The following ST3GAL5 variants were observed in gnomAD, a reference collection of about 807,000 sequenced individuals.
ST3GAL5 encodes the protein ST3 beta-galactoside alpha-2,3-sialyltransferase 5.
In ST3GAL5, 25 loss-of-function variants were observed where a neutral mutation model predicts 46.1. The ratio of observed to expected loss-of-function variants is 0.54; its 90% confidence interval spans 0.40 to 0.76. ST3GAL5 has a LOEUF of 0.76. ST3GAL5 is among the 30% of genes least tolerant of loss of function. The probability of loss-of-function intolerance (pLI) is 0.00; values close to 1 mark genes in which losing one functional copy is unlikely to be tolerated. For synonymous variants in ST3GAL5, 182 were observed against 192.7 expected (o/e 0.94, Z 0.46); for missense variants, 431 against 521.2 (o/e 0.83, Z 1.69).
At chr2:85,849,407 A>C in intron 3 of ST3GAL5, 1 of 152,306 alleles carries the variant, frequency 6.6e-6, no homozygotes, top group East Asian at 1.9e-4. Context: ...AACAAGAACA[A>C]AAACATGACC....
At chr2:85,869,862 C>G (rs535296438) in intron 1 of ST3GAL5, among the ~76,000 whole-genome samples, 1 of 152,296 alleles carries the variant, frequency 6.6e-6, no homozygotes, top group African/African-American at 2.4e-5. Flanking sequence ...CTCACCTGAT[C>G]TGTTCTGGCA....
At chr2:85,866,628 C>T (rs1290998097) in intron 1 of ST3GAL5, among the ~76,000 whole-genome samples, 1 of 152,274 alleles carries the variant, frequency 6.6e-6, no homozygotes, top group Non-Finnish European at 1.5e-5. Flanking sequence ...TGCTGAGCTA[C>T]TTTTCATCCT....
intron 5 of ST3GAL5, chr2:85,846,148 A>T (rs1682770208): frequency 2.0e-6 from 1 of 508,746 alleles, no homozygotes. Context: ...GAGAGCCAAG[A>T]CTGCACCACT....
At chr2:85,886,501 C>A (rs1443674666) in intron 1 of ST3GAL5, among the ~76,000 whole-genome samples, 1 of 151,532 alleles carries the variant, frequency 6.6e-6, no homozygotes, top group Non-Finnish European at 1.5e-5. Flanking sequence ...TTGAGCAGGA[C>A]ACTTATGGTA....
At chr2:85,870,714 T>C (rs1685828162) in intron 1 of ST3GAL5, among the ~76,000 whole-genome samples, 1 of 151,956 alleles carries the variant, frequency 6.6e-6, no homozygotes, top group Admixed American at 6.6e-5. Context: ...TTCGCTCTTG[T>C]TGCCCGGGCT....
chr2:85,869,736 A>G (rs1685703157), intron 1 of ST3GAL5, among the ~76,000 whole-genome samples: 1 of 152,218 alleles, frequency 6.6e-6, no homozygotes, highest in Admixed American at 6.5e-5. Flanking sequence ...CTCAGCGGGC[A>G]GGAACTGGGT....
intron 1 of ST3GAL5, among the ~76,000 whole-genome samples, chr2:85,865,226 A>G (rs1480291647): frequency 1.3e-5 from 2 of 152,270 alleles, no homozygotes; most frequent in East Asian, 3.8e-4. Flanking sequence ...AATTTAAGAA[A>G]TAATGTCTTC....
intron 1 of ST3GAL5, among the ~76,000 whole-genome samples, chr2:85,886,019 C>T (rs967781040): frequency 2.0e-5 from 3 of 152,128 alleles, no homozygotes; most frequent in Admixed American, 6.5e-5. Context: ...ACTAACAATG[C>T]GTGACTATGT....
intron 2 of ST3GAL5, among the ~76,000 whole-genome samples, chr2:85,861,513 A>T (rs1684727750): frequency 6.6e-6 from 1 of 152,168 alleles, no homozygotes; most frequent in Admixed American, 6.5e-5. Context: ...ACACAGAAAA[A>T]ACTTTTTTTG....
chr2:85,859,810 T>C (rs1030656943), intron 3 of ST3GAL5, among the ~76,000 whole-genome samples: 1 of 152,226 alleles, frequency 6.6e-6, no homozygotes, highest in Non-Finnish European at 1.5e-5. Context: ...CATTTCACAG[T>C]TGAGAAAACT....
At chr2:85,873,917 C>T (rs1294403811) in intron 1 of ST3GAL5, among the ~76,000 whole-genome samples, 1 of 152,228 alleles carries the variant, frequency 6.6e-6, no homozygotes, top group Non-Finnish European at 1.5e-5. Context: ...CCAAGTTCCC[C>T]AGTGTTATGT....
chr2:85,851,320 G>A, intron 3 of ST3GAL5: 1 of 1,164,710 alleles, frequency 8.6e-7, no homozygotes, highest in Non-Finnish European at 1.1e-6. Context: ...AGTAAATCCT[G>A]AGTGAGTTTC....
chr2:85,874,473 C>T (rs1389945545), intron 1 of ST3GAL5, among the ~76,000 whole-genome samples: 2 of 152,078 alleles, frequency 1.3e-5, no homozygotes, highest in African/African-American at 4.8e-5. Flanking sequence ...TCGACTTGCC[C>T]TTCCTCTGCT....
chr2:85,880,114 T>C (rs78884345), intron 1 of ST3GAL5, among the ~76,000 whole-genome samples: 2 of 152,124 alleles, frequency 1.3e-5, no homozygotes, highest in African/African-American at 2.4e-5. Flanking sequence ...AGAGGAGTCA[T>C]AGAAAGCCCC....
At chr2:85,848,467 A>G in intron 3 of ST3GAL5, 1 of 1,332,630 alleles carries the variant, frequency 7.5e-7, no homozygotes, top group Non-Finnish European at 1.0e-6. Flanking sequence ...CCCGCCTCCC[A>G]CCCCCAGCCT....
chr2:85,846,340 T>C, intron 5 of ST3GAL5, 37 bp downstream of exon 5: 1 of 1,599,796 alleles, frequency 6.3e-7, no homozygotes, highest in Non-Finnish European at 8.6e-7. Flanking sequence ...CCTTCACTTT[T>C]TACTAAGGCA....
In ST3GAL5 at chr2:85,888,923, G is replaced by A; in HGVS notation, c.-18C>T. On this transcript the variant is annotated 5_prime_UTR_variant, in exon 1 of 7. Coordinates refer to ENST00000638572, the MANE Select transcript of ST3GAL5 (RefSeq NM_003896.4). ...GTCCGCATACTAATGAGGGGGCGCC[G>A]GCCGGCCGCCAGCCCGGTACCCCGC... 2.2e-6 allele frequency: 3 copies of A among 1,342,210 alleles called. No individual in the cohort carries two copies. The highest frequency in any genetic ancestry group is 2.9e-6 in the Non-Finnish European group (3 of 1,040,716). The allele number at this position is 1,342,210 out of a possible 1,614,324, so 83.1% of individuals were successfully genotyped here.
At chr2:85,866,379 T>C (rs1400961882) in intron 1 of ST3GAL5, among the ~76,000 whole-genome samples, 1 of 152,234 alleles carries the variant, frequency 6.6e-6, no homozygotes, top group Non-Finnish European at 1.5e-5. Flanking sequence ...ATGCCTTTAA[T>C]AGAAGTCACT....
chr2:85,880,625 A>T (rs1332309242), intron 1 of ST3GAL5, among the ~76,000 whole-genome samples: 1 of 152,068 alleles, frequency 6.6e-6, no homozygotes, highest in African/African-American at 2.4e-5. Context: ...GGAGTTCAAG[A>T]CCAGCCTGAC....
Sources: allele counts gnomAD v4.1 joint callset (sites outside exome capture counted in the v4.1 genomes callset), GRCh38; gene constraint gnomAD v4.1.1; transcripts MANE v1.5; gene names NCBI Gene and HGNC (gene_info 2026-07-23, HGNC 2026-07-21).